Variants in AGO2 observed in about 807,000 individuals in gnomAD.
The protein encoded by AGO2 is argonaute RISC catalytic component 2, also known as protein argonaute-2.
In AGO2, 5 loss-of-function variants were observed where a neutral mutation model predicts 102.3. The observed-to-expected ratio is 0.05, with a 90% CI of 0.03 to 0.10. AGO2 has a LOEUF of 0.10. AGO2 is among the 10% of genes least tolerant of loss of function. The probability of loss-of-function intolerance (pLI) is 1.00; values close to 1 mark genes in which losing one functional copy is unlikely to be tolerated. For missense variants in AGO2, 541 were observed against 1,183.7 expected, an observed-to-expected ratio of 0.46 and a Z score of 7.97; for synonymous variants, 449 against 473.1, an observed-to-expected ratio of 0.95 and a Z score of 0.66.
At chr8:140,542,384 A>C (rs182191111) in intron 14 of AGO2, among the ~76,000 whole-genome samples, 2 of 152,328 alleles carry the variant, frequency 1.3e-5, no homozygotes, top group Non-Finnish European at 2.9e-5. Context: ...TTCTCCCACT[A>C]TTCCACGTCC....
intron 3 of AGO2, among the ~76,000 whole-genome samples, chr8:140,563,962 G>A (rs1406749075): frequency 6.6e-6 from 1 of 152,204 alleles, no homozygotes; most frequent in African/African-American, 2.4e-5. Flanking sequence ...TGCACACCTG[G>A]GTCCCAGGTA....
rs1382199248 is a variant in AGO2 at position 140,531,183 on chromosome 8, T to C, written c.*861A>G. ...ACATTAATACTGCAAACCAGATATATATATTCTTCTCTTACATTAAAGACA... is the reference window on the plus strand; with the variant it reads ...ACATTAATACTGCAAACCAGATATACATATTCTTCTCTTACATTAAAGACA... On this transcript the variant is annotated 3_prime_UTR_variant, in exon 19 of 19. Transcript: ENST00000220592. The C allele has an allele frequency of 6.6e-6, 1 of 152,520 alleles. No homozygotes were observed. Among genetic ancestry groups the C allele is most frequent in the Non-Finnish European group, 1.5e-5 (1 of 68,038 alleles). 9.4% of individuals were successfully genotyped at this position (152,520 alleles called of 1,614,324 possible). A position where few individuals can be genotyped will look rare whatever the true frequency, so the allele number is the denominator to read the frequency against.
At chr8:140,552,190 G>C (rs2073010739) in intron 10 of AGO2, among the ~76,000 whole-genome samples, 1 of 152,220 alleles carries the variant, frequency 6.6e-6, no homozygotes, top group South Asian at 2.1e-4. Context: ...GGGGAGATCA[G>C]AGCTGGGACT....
intron 12 of AGO2, 36 bp from the exon 13 acceptor site, chr8:140,547,663 C>T (rs776537646): frequency 1.1e-5 from 18 of 1,582,928 alleles, no homozygotes; most frequent in Middle Eastern, 1.7e-4. Context: ...GCTCTGCCGG[C>T]GCCCCTTCCT....
intron 3 of AGO2, among the ~76,000 whole-genome samples, chr8:140,564,044 G>A (rs1000437987): frequency 1.3e-4 from 20 of 152,294 alleles, no homozygotes; most frequent in African/African-American, 3.1e-4. Flanking sequence ...TGTTGTGCCC[G>A]ATGGCCCCAA....
At chr8:140,604,859 GA>G (rs2073976139) in intron 1 of AGO2, among the ~76,000 whole-genome samples, 1 of 151,900 alleles carries the variant, frequency 6.6e-6, no homozygotes, top group African/African-American at 2.4e-5. Flanking sequence ...AGACAACTGG[GA>G]AAACCCGTGA....
intron 1 of AGO2, among the ~76,000 whole-genome samples, chr8:140,613,250 C>CA: frequency 6.6e-6 from 1 of 152,152 alleles, no homozygotes; most frequent in East Asian, 1.9e-4. Context: ...TCCCTGTCGA[C>CA]AGAATGCAGA....
Position 140,556,197 on chromosome 8 carries a change from C to G in AGO2, c.1116G>C (p.Ala372=). 1 of 1,614,238 alleles carries G rather than the reference C, an allele frequency of 6.2e-7. No homozygotes were observed. Among genetic ancestry groups the G allele is most frequent in the Non-Finnish European group, 8.5e-7 (1 of 1,180,042 alleles). The change falls in exon 9 of 19, where the codon GCG becomes GCC. Residue 372 remains alanine (A), a synonymous_variant. Coordinates refer to ENST00000220592, the MANE Select transcript of AGO2 (RefSeq NM_012154.5). The part of the protein sequence containing the change: ...STMIRATARS[A]PDRQEEISKL... ...TGCTAATCTCTTCTTGCCGATCGGG[C>G]GCCGACCTAGCAGTCGCTCTGATCA...
At chr8:140,624,372 C>T (rs868387502) in intron 1 of AGO2, among the ~76,000 whole-genome samples, 1 of 152,218 alleles carries the variant, frequency 6.6e-6, no homozygotes, top group African/African-American at 2.4e-5. Flanking sequence ...GGCACAGAGC[C>T]GGCGTGCGTG....
At chr8:140,633,796 G>T (rs933222134) in intron 1 of AGO2, among the ~76,000 whole-genome samples, 3 of 152,222 alleles carry the variant, frequency 2.0e-5, no homozygotes, top group Admixed American at 1.3e-4. Flanking sequence ...TGACCTTGGT[G>T]AAGTTCTCAA....
chr8:140,584,710 C>G lies in AGO2; in HGVS notation c.215+409G>C, dbSNP rs956577953. Among the ~76,000 whole-genome samples, 3 of 152,176 alleles carry G rather than the reference C, an allele frequency of 2.0e-5. No homozygotes were observed. The East Asian group carries it at 5.8e-4, about 29-fold the overall frequency. On this transcript the variant is annotated intron_variant, in intron 2 of 18. Transcript: ENST00000220592. ...ATAAATTCTGCTGAGTAAAAGCAGTCGGGATTGAGGGTGTGTCACTATACA... is the reference window on the plus strand; with the variant it reads ...ATAAATTCTGCTGAGTAAAAGCAGTGGGGATTGAGGGTGTGTCACTATACA...
At chr8:140,553,397 G>GTTTTTTTTTTTTTTTTTTTTT (rs1247887588) in intron 10 of AGO2, among the ~76,000 whole-genome samples, 1 of 129,682 alleles carries the variant, frequency 7.7e-6, no homozygotes, top group Non-Finnish European at 1.5e-5. Flanking sequence ...CAAGTTACAA[G>GTTTTTTTTTTTTTTTTTTTTT]TTTTTTGTTT....
At chr8:140,605,501 G>A (rs2073985783) in intron 1 of AGO2, among the ~76,000 whole-genome samples, 1 of 152,242 alleles carries the variant, frequency 6.6e-6, no homozygotes, top group East Asian at 1.9e-4. Flanking sequence ...GGGGTGCAGG[G>A]CTCTGGGGTA....
At chr8:140,581,334 G>A (rs1226579567) in intron 2 of AGO2, among the ~76,000 whole-genome samples, 4 of 152,238 alleles carry the variant, frequency 2.6e-5, no homozygotes, top group Non-Finnish European at 5.9e-5. Context: ...GAGCAACATG[G>A]TGAAACCCAG....
At chr8:140,605,480 G>A (rs556278997) in intron 1 of AGO2, among the ~76,000 whole-genome samples, 2 of 152,370 alleles carry the variant, frequency 1.3e-5, no homozygotes, top group East Asian at 3.9e-4. Context: ...AGCCTGGGCT[G>A]AACACAGACG....
rs187894092 is a variant in AGO2 at position 140,543,474 on chromosome 8, G to C, written c.1839+739C>G. 9.2e-4 allele frequency among the ~76,000 whole-genome samples: 139 copies of C among 151,734 alleles called. 1 individual carries two copies. The highest frequency in any genetic ancestry group is 3.3e-3 in the African/African-American group (137 of 41,378). On this transcript the variant is annotated intron_variant, in intron 14 of 18. Transcript: ENST00000220592. ...TGGTAGCATTTTCTTTTTCTTTTTT[G>C]AGAGAAAATCTCACTTTGTTGGCCA...
At chr8:140,625,982 C>G (rs1205381919) in intron 1 of AGO2, among the ~76,000 whole-genome samples, 2 of 152,256 alleles carry the variant, frequency 1.3e-5, no homozygotes, top group Non-Finnish European at 2.9e-5. Flanking sequence ...GAAGCAGCAG[C>G]ACGCACAGGG....
chr8:140,553,111 C>A (rs796715016), intron 10 of AGO2, among the ~76,000 whole-genome samples: 1 of 152,196 alleles, frequency 6.6e-6, no homozygotes, highest in Non-Finnish European at 1.5e-5. Context: ...AAGCATTACA[C>A]GCTCAGTCAG....
chr8:140,559,564 G>T, intron 5 of AGO2, 35 bp from the exon 6 acceptor site: 1 of 1,524,102 alleles, frequency 6.6e-7, no homozygotes, highest in South Asian at 1.2e-5. Context: ...GCCTAAGCAT[G>T]ACTGTGGGGC....
Sources: allele counts gnomAD v4.1 joint callset (sites outside exome capture counted in the v4.1 genomes callset), GRCh38; gene constraint gnomAD v4.1.1; transcripts MANE v1.5; gene names NCBI Gene and HGNC (gene_info 2026-07-23, HGNC 2026-07-21).